The following ZNF804B variants were observed in gnomAD, a reference collection of about 807,000 sequenced individuals.
The protein encoded by ZNF804B is zinc finger protein 804B.
ZNF804B carries 80 observed loss-of-function variants against 101.4 expected under a neutral mutation model. The observed-to-expected ratio is 0.79, with a 90% CI of 0.66 to 0.95. The LOEUF (loss-of-function observed/expected upper bound fraction) is 0.95, where lower values mean the gene tolerates loss of function less well. Ranked by LOEUF, ZNF804B falls within the 40% of genes least tolerant of loss-of-function variation. ZNF804B has a pLI of 0.00. For missense variants in ZNF804B, 1,673 were observed against 1,561.9 expected (o/e 1.07, Z -1.20); for synonymous variants, 622 against 558.8 (o/e 1.11, Z -1.59).
In ZNF804B at chr7:88,979,392, GT is replaced by G. The variant is rs1793663815; in HGVS notation, c.108+219313del. On this transcript the variant is annotated intron_variant, in intron 1 of 3. Transcript: ENST00000333190. The stretch of plus-strand genomic sequence containing the variant: ...GTGATGATGAAATCCCTCAGCTCTT[GT>G]TTTTCTGGGAAAGTCTTTATTTCTC... Among the ~76,000 whole-genome samples, 6 of 151,868 alleles carry G rather than the reference GT, an allele frequency of 4.0e-5. No individual in the cohort carries two copies. The South Asian group carries it at 1.2e-3, about 31-fold the overall frequency.
intron 1 of ZNF804B, among the ~76,000 whole-genome samples, chr7:88,816,087 T>G (rs1277612205): frequency 6.6e-6 from 1 of 151,830 alleles, no homozygotes. Flanking sequence ...ACTTCAAATT[T>G]AACACCCCTC....
At chr7:89,267,862 A>T (rs1008371574) in intron 2 of ZNF804B, among the ~76,000 whole-genome samples, 10 of 152,136 alleles carry the variant, frequency 6.6e-5, no homozygotes, top group African/African-American at 1.9e-4. Context: ...AGAGATTAAA[A>T]ATCTGATTTG....
intron 1 of ZNF804B, among the ~76,000 whole-genome samples, chr7:88,892,463 A>C (rs541079456): frequency 6.6e-6 from 1 of 152,124 alleles, no homozygotes; most frequent in East Asian, 1.9e-4. Context: ...TCTGGCTTCC[A>C]TTATTCTTGA....
At chr7:89,045,586 G>A (rs910548417) in intron 1 of ZNF804B, among the ~76,000 whole-genome samples, 18 of 152,214 alleles carry the variant, frequency 1.2e-4, no homozygotes, top group Non-Finnish European at 1.6e-4. Context: ...TGACTTGGAT[G>A]TGAGACATGG....
chr7:88,952,505 C>T lies in ZNF804B; in HGVS notation c.108+192421C>T, dbSNP rs145147459. Among the ~76,000 whole-genome samples, 1,055 of 151,798 alleles carry T rather than the reference C, an allele frequency of 7.0e-3. 4 individuals are homozygous for T. The highest frequency in any genetic ancestry group is 0.012 in the Non-Finnish European group (828 of 67,822). ...TTTTTTGTCTTATCTGTTAAAATAT[C>T]TTTTATGTTTTAGTACTTTGATATA... On this transcript the variant is annotated intron_variant, in intron 1 of 3. Transcript: ENST00000333190.
intron 1 of ZNF804B, among the ~76,000 whole-genome samples, chr7:88,860,116 G>T (rs1791625170): frequency 6.6e-6 from 1 of 151,884 alleles, no homozygotes; most frequent in Non-Finnish European, 1.5e-5. Flanking sequence ...TAAGAACTCT[G>T]CTTTGTTATA....
rs528570468 is a variant in ZNF804B, at chr7:89,068,346, T to A, written c.109-149809T>A. Among the ~76,000 whole-genome samples the A allele has an allele frequency of 2.5e-3, 375 of 152,118 alleles. 1 individual carries two copies. Among genetic ancestry groups the A allele is most frequent in the African/African-American group, 8.1e-3 (338 of 41,506 alleles). ...GATATCATTTTTAGTATATTCTTAATTAAGATGTTTTATTATATGAATGTT... is the reference window on the plus strand; with the variant it reads ...GATATCATTTTTAGTATATTCTTAAATAAGATGTTTTATTATATGAATGTT... On this transcript the variant is annotated intron_variant, in intron 1 of 3. Transcript: ENST00000333190.
intron 1 of ZNF804B, chr7:88,794,073 T>G: frequency 1.2e-6 from 1 of 818,788 alleles, no homozygotes. Flanking sequence ...TCTGTGTATA[T>G]TGCAATGTTC....
intron 1 of ZNF804B, among the ~76,000 whole-genome samples, chr7:89,157,873 A>C (rs534203935): frequency 1.3e-5 from 2 of 152,320 alleles, no homozygotes; most frequent in African/African-American, 4.8e-5. Context: ...GAAAATAAGT[A>C]ATTGAAACTA....
chr7:89,084,493 A>G (rs528232854), intron 1 of ZNF804B, among the ~76,000 whole-genome samples: 16 of 152,068 alleles, frequency 1.1e-4, no homozygotes, highest in African/African-American at 1.9e-4. Context: ...TGCTAATAAT[A>G]TTTCCCACTG....
chr7:89,254,269 A>G (rs1789590602), intron 2 of ZNF804B, among the ~76,000 whole-genome samples: 1 of 152,140 alleles, frequency 6.6e-6, no homozygotes, highest in Non-Finnish European at 1.5e-5. Flanking sequence ...TACTAGATAA[A>G]TATTAATATT....
chr7:88,885,322 C>G (rs1792109748), intron 1 of ZNF804B, among the ~76,000 whole-genome samples: 1 of 151,732 alleles, frequency 6.6e-6, no homozygotes, highest in Non-Finnish European at 1.5e-5. Context: ...AATGAGATCA[C>G]TAGCTTGTAT....
At chr7:88,774,146 A>G (rs1253540588) in intron 1 of ZNF804B, among the ~76,000 whole-genome samples, 1 of 150,904 alleles carries the variant, frequency 6.6e-6, no homozygotes, top group African/African-American at 2.4e-5. Flanking sequence ...ATTTAGATCT[A>G]TACAATTCTA....
intron 1 of ZNF804B, among the ~76,000 whole-genome samples, chr7:89,009,268 C>T (rs1788416528): frequency 6.6e-6 from 1 of 151,990 alleles, no homozygotes; most frequent in African/African-American, 2.4e-5. Flanking sequence ...ATCTGTTATC[C>T]TTTATTCTTG....
At chr7:88,894,077 T>C (rs958483438) in intron 1 of ZNF804B, among the ~76,000 whole-genome samples, 3 of 152,200 alleles carry the variant, frequency 2.0e-5, no homozygotes, top group African/African-American at 7.2e-5. Flanking sequence ...TCAAAAATAC[T>C]GTATATAAAC....
At chr7:89,219,946 T>TATATACATATATGTGTGCATATATATGC (rs1788962055) in intron 2 of ZNF804B, among the ~76,000 whole-genome samples, 1 of 117,602 alleles carries the variant, frequency 8.5e-6, no homozygotes, top group Non-Finnish European at 1.9e-5. Context: ...CATATATATG[T>TATATACATATATGTGTGCATATATATGC]ATATACATAT....
rs368589507 is a variant in ZNF804B at position 88,767,318 on chromosome 7, T to A, written c.108+7234T>A. Reference sequence around the variant, plus strand: ...AACCCACCTACCAGTGTTCTTCCCCTGCCCTTCTTCCCACAGCTATTACTC... The same window carrying A: ...AACCCACCTACCAGTGTTCTTCCCCAGCCCTTCTTCCCACAGCTATTACTC... On this transcript the variant is annotated intron_variant, in intron 1 of 3. Transcript: ENST00000333190. Among the ~76,000 whole-genome samples, 136 of 152,308 alleles carry A rather than the reference T, an allele frequency of 8.9e-4. 1 individual carries two copies. The highest frequency in any genetic ancestry group is 3.2e-3 in the African/African-American group (135 of 41,570).
chr7:88,776,560 GTTTTTTT>G (rs57733765), intron 1 of ZNF804B, among the ~76,000 whole-genome samples: 1 of 75,112 alleles, frequency 1.3e-5, no homozygotes, highest in Non-Finnish European at 2.7e-5. Context: ...GTGGTGTTTT[GTTTTTTT>G]TTTTTTTTTT....
intron 1 of ZNF804B, among the ~76,000 whole-genome samples, chr7:89,040,582 T>C (rs962775865): frequency 1.3e-5 from 2 of 152,198 alleles, no homozygotes; most frequent in African/African-American, 4.8e-5. Flanking sequence ...TAAGACAATT[T>C]TGAATTATTT....
Sources: allele counts gnomAD v4.1 joint callset (sites outside exome capture counted in the v4.1 genomes callset), GRCh38; gene constraint gnomAD v4.1.1; transcripts MANE v1.5; gene names NCBI Gene and HGNC (gene_info 2026-07-23, HGNC 2026-07-21).